SDK1: variants seen among roughly 807,000 people sequenced by gnomAD.
SDK1 encodes the protein sidekick cell adhesion molecule 1.
Under a neutral mutation model 245.5 loss-of-function variants are expected in SDK1, and 157 were observed. That is an observed-to-expected ratio of 0.64 (90% CI 0.56 to 0.73). SDK1 has a LOEUF of 0.73. SDK1 is among the 30% of genes least tolerant of loss of function. The probability of loss-of-function intolerance (pLI) is 0.00; values close to 1 mark genes in which losing one functional copy is unlikely to be tolerated. For synonymous variants in SDK1, 1,647 were observed against 1,278.5 expected (o/e 1.29, Z -6.15); for missense variants, 3,583 against 3,002.3 (o/e 1.19, Z -4.52).
intron 1 of SDK1, among the ~76,000 whole-genome samples, chr7:3,331,095 C>G (rs1241709744): frequency 6.6e-6 from 1 of 152,076 alleles, no homozygotes; most frequent in Non-Finnish European, 1.5e-5. Context: ...GAAACCCCGT[C>G]TCTACTAAAA....
chr7:3,539,713 T>C (rs891463159), intron 1 of SDK1, among the ~76,000 whole-genome samples: 1 of 152,250 alleles, frequency 6.6e-6, no homozygotes, highest in Non-Finnish European at 1.5e-5. Flanking sequence ...ATGGCAGTCA[T>C]CCACATCAGG....
chr7:4,075,607 C>T (rs780607664), intron 20 of SDK1, among the ~76,000 whole-genome samples: 4 of 151,978 alleles, frequency 2.6e-5, no homozygotes, highest in Non-Finnish European at 5.9e-5. Context: ...ACATTAACTC[C>T]CCTCCACGCG....
chr7:3,816,930 G>C (rs1435063327), intron 4 of SDK1, among the ~76,000 whole-genome samples: 1 of 151,900 alleles, frequency 6.6e-6, no homozygotes, highest in Admixed American at 6.6e-5. Context: ...TAATGTACTT[G>C]AAGGTCAATT....
At chr7:3,638,185 G>C (rs1414753516) in intron 2 of SDK1, among the ~76,000 whole-genome samples, 1 of 152,204 alleles carries the variant, frequency 6.6e-6, no homozygotes, top group African/African-American at 2.4e-5. Context: ...GTAGATCCTA[G>C]CTTTGGGTGA....
intron 5 of SDK1, among the ~76,000 whole-genome samples, chr7:3,872,362 AGTT>A (rs1780978176): frequency 6.6e-6 from 1 of 152,066 alleles, no homozygotes; most frequent in Non-Finnish European, 1.5e-5. Flanking sequence ...TATCGTATAG[AGTT>A]GTTATGTTCG....
At chr7:3,432,124 A>AC (rs199532876) in intron 1 of SDK1, among the ~76,000 whole-genome samples, 7 of 146,866 alleles carry the variant, frequency 4.8e-5, no homozygotes, top group South Asian at 2.1e-4. Flanking sequence ...AAAAAAAAAA[A>AC]ATATATATAT....
intron 1 of SDK1, among the ~76,000 whole-genome samples, chr7:3,323,600 C>T (rs780362581): frequency 5.9e-5 from 9 of 152,176 alleles, no homozygotes; most frequent in Non-Finnish European, 1.2e-4. Flanking sequence ...AATTCCTTTT[C>T]GTGTGCCCCA....
chr7:4,210,200 C>T lies in SDK1; in HGVS notation c.5539+38C>T, dbSNP rs750024887. On this transcript the variant is annotated intron_variant, in intron 38 of 44. Transcript: ENST00000404826. ...GTTGGGGAGATGGGAGCGCGGGCCA[C>T]ACCAGTGCCCAGCCCTCTGCAGTCT... 5 of 1,487,806 alleles carry T rather than the reference C, an allele frequency of 3.4e-6. No individual in the cohort carries two copies. The South Asian group carries it at 7.0e-5, about 21-fold the overall frequency. The allele number at this position is 1,487,806 out of a possible 1,614,324, so 92.2% of individuals were successfully genotyped here.
At chr7:3,583,553 C>T (rs370277379) in intron 1 of SDK1, among the ~76,000 whole-genome samples, 39 of 152,250 alleles carry the variant, frequency 2.6e-4, no homozygotes, top group Middle Eastern at 6.8e-3. Context: ...ATTTCTTTAT[C>T]ATTCACTGAG....
intron 1 of SDK1, among the ~76,000 whole-genome samples, chr7:3,447,041 C>A (rs1278204430): frequency 6.6e-6 from 1 of 152,064 alleles, no homozygotes; most frequent in Non-Finnish European, 1.5e-5. Flanking sequence ...TATTTTTGTG[C>A]AAGGGACCGA....
At chr7:3,552,266 C>A (rs1033374842) in intron 1 of SDK1, among the ~76,000 whole-genome samples, 2 of 152,152 alleles carry the variant, frequency 1.3e-5, no homozygotes, top group African/African-American at 4.8e-5. Flanking sequence ...CTCGATCGAT[C>A]TCCTGACCTT....
At chr7:3,345,760 A>G (rs1266797749) in intron 1 of SDK1, among the ~76,000 whole-genome samples, 1 of 152,114 alleles carries the variant, frequency 6.6e-6, no homozygotes, top group Non-Finnish European at 1.5e-5. Context: ...TTGCCTCCTC[A>G]GTAGTAAATA....
chr7:3,761,479 G>T (rs1288038695), intron 4 of SDK1, among the ~76,000 whole-genome samples: 2 of 150,980 alleles, frequency 1.3e-5, no homozygotes, highest in African/African-American at 4.9e-5. Flanking sequence ...GCCTGAACCC[G>T]GGAGGCGGAG....
chr7:3,695,047 T>C (rs1784534539), intron 4 of SDK1, among the ~76,000 whole-genome samples: 1 of 152,166 alleles, frequency 6.6e-6, no homozygotes, highest in African/African-American at 2.4e-5. Flanking sequence ...GGAAACATAT[T>C]AGAGACTCTA....
At chr7:3,542,391 C>T (rs1779078157) in intron 1 of SDK1, among the ~76,000 whole-genome samples, 2 of 152,178 alleles carry the variant, frequency 1.3e-5, no homozygotes, top group South Asian at 4.1e-4. Flanking sequence ...GGGCATGACC[C>T]TTTGCTTTAC....
Position 3,549,237 on chromosome 7 carries a change from C to T in SDK1, c.299-69843C>T, listed in dbSNP as rs1170063483. Among the ~76,000 whole-genome samples, 4 of 152,194 alleles carry T rather than the reference C, an allele frequency of 2.6e-5. No individual in the cohort carries two copies. In the East Asian group the frequency reaches 5.8e-4, roughly 22 times the overall value. ...TTCCGAAGGCTGTGAAATGTGATCT[C>T]TATGAGTTATAGTCTTCCTGTGAGG... On this transcript the variant is annotated intron_variant, in intron 1 of 44. Transcript: ENST00000404826.
At chr7:4,242,685 C>G (rs144475269) in intron 43 of SDK1, among the ~76,000 whole-genome samples, 4,017 of 152,298 alleles carry the variant, frequency 0.026, 71 homozygotes, top group Non-Finnish European at 0.032. Flanking sequence ...AGGCTTCTCT[C>G]CCTCAGCCAG....
chr7:3,966,638 G>A (rs1782105790), intron 9 of SDK1, among the ~76,000 whole-genome samples: 2 of 152,078 alleles, frequency 1.3e-5, no homozygotes, highest in Non-Finnish European at 2.9e-5. Flanking sequence ...AAGCATCCTA[G>A]AAAGTGTCAT....
At chr7:4,064,100 A>C (rs1779718616) in intron 19 of SDK1, among the ~76,000 whole-genome samples, 1 of 152,182 alleles carries the variant, frequency 6.6e-6, no homozygotes, top group African/African-American at 2.4e-5. Context: ...AAACTTAAAA[A>C]CTTCTGTACA....
Sources: gnomAD v4.1 joint callset for allele counts (sites outside exome capture counted in the v4.1 genomes callset) on GRCh38, gnomAD v4.1.1 for gene constraint, MANE v1.5 for transcripts, NCBI Gene and HGNC (gene_info 2026-07-23, HGNC 2026-07-21) for gene names.